Variants in PDZD2 observed in about 807,000 individuals in gnomAD.
PDZD2 encodes PDZ domain-containing protein 2.
A neutral mutation model predicts 220.7 loss-of-function variants in PDZD2; 90 were observed. The ratio of observed to expected loss-of-function variants is 0.41; its 90% CI spans 0.34 to 0.49. The LOEUF (loss-of-function observed/expected upper bound fraction) is 0.49. PDZD2 is among the 20% of genes least tolerant of loss of function. PDZD2 has a pLI of 0.28. For synonymous variants in PDZD2, 1,375 were observed against 1,450.5 expected (o/e 0.95, Z 1.18); for missense variants, 3,174 against 3,608.5 (o/e 0.88, Z 3.08).
intron 1 of PDZD2, among the ~76,000 whole-genome samples, chr5:31,786,221 A>T (rs1241120362): frequency 6.6e-6 from 1 of 152,050 alleles, no homozygotes; most frequent in African/African-American, 2.4e-5. Flanking sequence ...TGCATCAGGC[A>T]CTCCAGCCCT....
chr5:31,831,549 C>G (rs1478294636), intron 2 of PDZD2, among the ~76,000 whole-genome samples: 1 of 152,098 alleles, frequency 6.6e-6, no homozygotes, highest in Non-Finnish European at 1.5e-5. Flanking sequence ...GATATCAAGA[C>G]CATCCTGGCT....
intron 2 of PDZD2, among the ~76,000 whole-genome samples, chr5:31,805,663 A>G (rs1318785527): frequency 6.6e-6 from 1 of 152,196 alleles, no homozygotes. Context: ...ATTCAAAACT[A>G]CCTTAGATGA....
intron 1 of PDZD2, among the ~76,000 whole-genome samples, chr5:31,774,729 AC>A (rs1469376707): frequency 1.3e-5 from 2 of 152,116 alleles, no homozygotes; most frequent in East Asian, 1.9e-4. Flanking sequence ...CAAAAAAAAA[AC>A]AAAAACCAAA....
At chr5:31,856,929 TATATA>T (rs1758502445) in intron 2 of PDZD2, among the ~76,000 whole-genome samples, 1 of 133,828 alleles carries the variant, frequency 7.5e-6, no homozygotes, top group African/African-American at 3.0e-5. Flanking sequence ...TATATATATA[TATATA>T]TAACTTTAAA....
intron 1 of PDZD2, among the ~76,000 whole-genome samples, chr5:31,733,086 C>T (rs1749632700): frequency 6.6e-6 from 1 of 152,120 alleles, no homozygotes. Flanking sequence ...CAGAAAAGGG[C>T]ACAATCACAA....
intron 7 of PDZD2, among the ~76,000 whole-genome samples, chr5:32,043,007 C>G (rs766181301): frequency 7.9e-5 from 12 of 152,150 alleles, no homozygotes; most frequent in Non-Finnish European, 1.3e-4. Flanking sequence ...CAGTCAATGC[C>G]GGGAAAAAGA....
intron 2 of PDZD2, among the ~76,000 whole-genome samples, chr5:31,809,319 G>C (rs1279414265): frequency 1.3e-5 from 2 of 152,190 alleles, no homozygotes; most frequent in African/African-American, 2.4e-5. Context: ...TTATTCACAG[G>C]CTGTGTGTGT....
intron 1 of PDZD2, among the ~76,000 whole-genome samples, chr5:31,712,972 TA>T (rs1302901996): frequency 1.3e-5 from 2 of 152,180 alleles, no homozygotes; most frequent in African/African-American, 4.8e-5. Context: ...CATTCTGTAG[TA>T]AATAATTCTG....
At chr5:31,663,695 A>T (rs1343456478) in intron 1 of PDZD2, among the ~76,000 whole-genome samples, 1 of 152,090 alleles carries the variant, frequency 6.6e-6, no homozygotes, top group Non-Finnish European at 1.5e-5. Flanking sequence ...TTCCTCTTCC[A>T]ATTTTCTTTT....
intron 10 of PDZD2, among the ~76,000 whole-genome samples, chr5:32,054,589 T>G (rs1449862117): frequency 6.6e-6 from 1 of 151,974 alleles, no homozygotes; most frequent in Non-Finnish European, 1.5e-5. Context: ...CCTCACAAAG[T>G]GCTAGGATTA....
At chr5:31,650,213 T>G (rs375955912) in intron 1 of PDZD2, among the ~76,000 whole-genome samples, 1 of 152,130 alleles carries the variant, frequency 6.6e-6, no homozygotes, top group South Asian at 2.1e-4. Context: ...AAATGTCTGT[T>G]GAACAAGTCA....
chr5:32,007,234 A>G (rs2112059063), intron 5 of PDZD2, among the ~76,000 whole-genome samples: 1 of 150,282 alleles, frequency 6.7e-6, no homozygotes, highest in African/African-American at 2.4e-5. Context: ...GCTGGTCTTA[A>G]CCTCTTGGCC....
At chr5:31,947,619 G>C (rs746461345) in intron 2 of PDZD2, among the ~76,000 whole-genome samples, 1 of 152,216 alleles carries the variant, frequency 6.6e-6, no homozygotes, top group Admixed American at 6.5e-5. Flanking sequence ...TAGATTGCTT[G>C]AGCCCAGGAA....
intron 1 of PDZD2, among the ~76,000 whole-genome samples, chr5:31,707,640 C>CT (rs58881138): frequency 0.2 from 30,346 of 152,004 alleles, 2,957 homozygotes; most frequent in Middle Eastern, 0.26. Context: ...AGTGAACTTG[C>CT]TTTTTTTATC....
intron 3 of PDZD2, among the ~76,000 whole-genome samples, chr5:31,994,032 TGGG>T (rs1751438684): frequency 6.6e-6 from 1 of 152,098 alleles, no homozygotes; most frequent in Non-Finnish European, 1.5e-5. Context: ...TTTTGTTTGT[TGGG>T]GGGATGGAGT....
At chr5:31,856,286 T>TG (rs1363518136) in intron 2 of PDZD2, among the ~76,000 whole-genome samples, 1 of 152,104 alleles carries the variant, frequency 6.6e-6, no homozygotes, top group Non-Finnish European at 1.5e-5. Flanking sequence ...CACCCACAGT[T>TG]AATCCAGGAT....
intron 1 of PDZD2, among the ~76,000 whole-genome samples, chr5:31,762,474 G>A (rs921681276): frequency 6.6e-6 from 1 of 152,170 alleles, no homozygotes; most frequent in Non-Finnish European, 1.5e-5. Flanking sequence ...TTTTGGTAGA[G>A]ATGGGGTTTC....
intron 1 of PDZD2, among the ~76,000 whole-genome samples, chr5:31,732,153 C>G (rs1029702064): frequency 3.3e-5 from 5 of 152,212 alleles, no homozygotes; most frequent in Non-Finnish European, 5.9e-5. Context: ...GCTATCCTGT[C>G]TATAGCTAGC....
chr5:31,942,137 T>C (rs1746263190), intron 2 of PDZD2, among the ~76,000 whole-genome samples: 1 of 152,208 alleles, frequency 6.6e-6, no homozygotes, highest in Non-Finnish European at 1.5e-5. Context: ...TAGACTCTTG[T>C]TATCCACAGA....
Sources: allele counts gnomAD v4.1 joint callset (sites outside exome capture counted in the v4.1 genomes callset), GRCh38; gene constraint gnomAD v4.1.1; transcripts MANE v1.5; gene names NCBI Gene and HGNC (gene_info 2026-07-23, HGNC 2026-07-21).